The following RPN1 variants were observed in gnomAD, a reference collection of about 807,000 sequenced individuals.
RPN1 encodes ribophorin I, also known as dolichyl-diphosphooligosaccharide--protein glycosyltransferase subunit 1.
RPN1 carries 12 observed loss-of-function variants against 55.5 expected under a neutral mutation model. That is an observed-to-expected ratio of 0.22 (90% CI 0.14 to 0.35). The LOEUF (loss-of-function observed/expected upper bound fraction) is 0.35. Ranked by LOEUF, RPN1 falls within the 10% of genes least tolerant of loss-of-function variation. The pLI, the probability that RPN1 is intolerant of heterozygous loss-of-function variation, is 1.00. For synonymous variants in RPN1, 317 were observed against 305.9 expected (o/e 1.04, Z -0.38); for missense variants, 679 against 761.3 (o/e 0.89, Z 1.27).
rs1250757070 is a variant in RPN1, at chr3:128,620,218, A to T, written c.*193T>A. On this transcript the variant is annotated 3_prime_UTR_variant, in exon 10 of 10. Transcript: ENST00000296255. ...TTTTTAAAGTTTTCTTTTTTTAAAA[A>T]AAAAAAAAAAGAAAGTTAAGGACAA... 3 of 400,742 alleles carry T rather than the reference A, an allele frequency of 7.5e-6. No homozygotes were observed. The highest frequency in any genetic ancestry group is 1.3e-5 in the Non-Finnish European group (3 of 230,492). 24.8% of individuals were successfully genotyped at this position (400,742 alleles called of 1,614,324 possible). A position where few individuals can be genotyped will look rare whatever the true frequency, so the allele number is the denominator to read the frequency against.
chr3:128,629,361 G>A (rs1334993875), intron 5 of RPN1, among the ~76,000 whole-genome samples: 1 of 152,148 alleles, frequency 6.6e-6, no homozygotes, highest in African/African-American at 2.4e-5. Context: ...AGGAGTTCAA[G>A]ACCAACCTGG....
chr3:128,637,215 G>A (rs79503895), intron 3 of RPN1, among the ~76,000 whole-genome samples: 1,691 of 152,000 alleles, frequency 0.011, 25 homozygotes, highest in African/African-American at 0.039. Context: ...TCCAGGCTGG[G>A]CAACAGAGCA....
Position 128,632,102 on chromosome 3 carries a change from A to T in RPN1, c.689T>A (p.Met230Lys). ...NNSPFLTITSMTRVIEVSHWG... is the reference protein window; with the variant it reads ...NNSPFLTITSKTRVIEVSHWG... ...GTGAGAGACTTCAATGACTCGGGTC[A>T]TGCTGGTGATGGTCAGGAAAGGGCT... The change falls in exon 4 of 10, where the codon ATG becomes AAG. Residue 230 changes from methionine to lysine, a missense_variant. Around this residue, in one of 3 missense-constraint regions of RPN1, gnomAD observed 352 missense variants for 352.8 expected, o/e 1.00. Coordinates refer to ENST00000296255, the MANE Select transcript of RPN1 (RefSeq NM_002950.4). 1 of 1,614,222 alleles carries T rather than the reference A, an allele frequency of 6.2e-7. No individual in the cohort carries two copies. The highest frequency in any genetic ancestry group is 1.1e-5 in the South Asian group (1 of 91,088).
Position 128,639,229 on chromosome 3 carries a change from G to C in RPN1, c.327-1124C>G, listed in dbSNP as rs1576797722. 2.0e-5 allele frequency among the ~76,000 whole-genome samples: 3 copies of C among 152,230 alleles called. No individual in the cohort carries two copies. The East Asian group carries it at 5.8e-4, about 30-fold the overall frequency. On this transcript the variant is annotated intron_variant, in intron 2 of 9. Coordinates refer to ENST00000296255, the MANE Select transcript of RPN1 (RefSeq NM_002950.4). ...GCACTTTGGGAGACCGAGATGGGTGGATCACGAGGTCAGGAGATCAAGACC... is the reference window on the plus strand; with the variant it reads ...GCACTTTGGGAGACCGAGATGGGTGCATCACGAGGTCAGGAGATCAAGACC...
At chr3:128,644,737 T>G (rs2069753941) in intron 2 of RPN1, 182 bp downstream of exon 2, 1 of 646,794 alleles carries the variant, frequency 1.5e-6, no homozygotes, top group African/African-American at 1.9e-5. Flanking sequence ...GGTAGAAGGA[T>G]GGCTTGAGCT....
intron 2 of RPN1, among the ~76,000 whole-genome samples, chr3:128,642,792 C>T (rs2069735897): frequency 1.3e-5 from 2 of 151,960 alleles, no homozygotes; most frequent in African/African-American, 2.4e-5. Context: ...GAGGCCGAGG[C>T]GGGTGCATCA....
chr3:128,632,341 TATTC>T (rs1466907060), intron 3 of RPN1, among the ~76,000 whole-genome samples, 184 bp from the exon 4 acceptor site: 1 of 152,146 alleles, frequency 6.6e-6, no homozygotes, highest in East Asian at 1.9e-4. Flanking sequence ...TGGGAATAAA[TATTC>T]ATGATATATT....
intron 5 of RPN1, 86 bp downstream of exon 5, chr3:128,629,865 C>T: frequency 1.4e-6 from 1 of 719,290 alleles, no homozygotes; most frequent in Non-Finnish European, 2.3e-6. Context: ...ATGAACACAC[C>T]CCATCTATAA....
In RPN1 at chr3:128,625,643, G is replaced by A. The variant is rs770055133; in HGVS notation, c.1286C>T (p.Thr429Met). Residue 429 changes from threonine to methionine, a missense_variant, in exon 8 of 10, where the codon ACG (threonine) becomes ATG (methionine). Thr to Met is a moderately conservative substitution (Grantham distance 81). Around this residue, in one of 3 missense-constraint regions of RPN1, gnomAD observed 306 missense variants for 360.0 expected, o/e 0.85. Coordinates refer to ENST00000296255, the MANE Select transcript of RPN1 (RefSeq NM_002950.4). Reference protein sequence around the residue: ...QHIQDIVVHYTFNKVLMLQEP... With the variant: ...QHIQDIVVHYMFNKVLMLQEP... ...CTGCAGCATGAGCACCTTGTTGAAC[G>A]TGTAGTGGACCTGGGAGAAGCAAGA... 41 of 1,614,000 alleles carry A rather than the reference G, an allele frequency of 2.5e-5. No individual in the cohort carries two copies. In the Admixed American group the frequency reaches 3.8e-4, roughly 15 times the overall value.
chr3:128,643,048 C>T (rs1310195888), intron 2 of RPN1, among the ~76,000 whole-genome samples: 1 of 150,978 alleles, frequency 6.6e-6, no homozygotes, highest in African/African-American at 2.4e-5. Context: ...AAAAAAGGGC[C>T]AAGAGCAGTG....
At chr3:128,650,469 A>C (rs2069808998) in intron 1 of RPN1, 71 bp downstream of exon 1, 3 of 1,425,678 alleles carry the variant, frequency 2.1e-6, no homozygotes, top group Non-Finnish European at 2.8e-6. Context: ...GCGCGGGCGG[A>C]GTCGGGGGAC....
At chr3:128,637,006 G>T (rs1352989697) in intron 3 of RPN1, among the ~76,000 whole-genome samples, 1 of 152,142 alleles carries the variant, frequency 6.6e-6, no homozygotes, top group East Asian at 1.9e-4. Flanking sequence ...GGAGACAAAG[G>T]CAGGAAGATC....
intron 8 of RPN1, among the ~76,000 whole-genome samples, chr3:128,623,013 C>T (rs1173796778): frequency 1.3e-5 from 2 of 152,070 alleles, no homozygotes; most frequent in Non-Finnish European, 2.9e-5. Flanking sequence ...TTACAGCAGT[C>T]TTGCCCATTT....
At chr3:128,625,805 G>A in intron 7 of RPN1, 69 bp downstream of exon 7, 1 of 1,557,660 alleles carries the variant, frequency 6.4e-7, no homozygotes, top group Non-Finnish European at 8.7e-7. Context: ...GACAGAAGGT[G>A]AGTTCTTGGC....
chr3:128,629,325 C>T (rs2069625142), intron 5 of RPN1, among the ~76,000 whole-genome samples: 1 of 152,126 alleles, frequency 6.6e-6, no homozygotes, highest in Non-Finnish European at 1.5e-5. Flanking sequence ...CTTTGGGAGG[C>T]CGAGGCCTGT....
In RPN1 at chr3:128,632,839, C is replaced by A. The variant is rs569803159; in HGVS notation, c.634-682G>T. On this transcript the variant is annotated intron_variant, in intron 3 of 9. Coordinates refer to ENST00000296255, the MANE Select transcript of RPN1 (RefSeq NM_002950.4). ...CGAACCCCTGACCTCAGGTGATCTG[C>A]CCACCTTGGCCTACCAAAGTGCTGG... 7.9e-5 allele frequency among the ~76,000 whole-genome samples: 12 copies of A among 152,336 alleles called. No individual in the cohort carries two copies. In the East Asian group the frequency reaches 2.3e-3, roughly 29 times the overall value.
At chr3:128,622,101 T>C (rs1277039947) in intron 9 of RPN1, 63 bp downstream of exon 9, 3 of 1,558,982 alleles carry the variant, frequency 1.9e-6, no homozygotes, top group Non-Finnish European at 2.6e-6. Context: ...GTGTCTGCCC[T>C]AGACAAAGCA....
intron 2 of RPN1, among the ~76,000 whole-genome samples, chr3:128,643,015 G>A (rs1376795363): frequency 2.1e-5 from 3 of 140,074 alleles, no homozygotes; most frequent in Non-Finnish European, 4.6e-5. Context: ...GGGAAATTCC[G>A]TCTCAAAAAA....
intron 2 of RPN1, among the ~76,000 whole-genome samples, chr3:128,638,457 A>G (rs1250580084): frequency 1.3e-5 from 2 of 152,126 alleles, no homozygotes; most frequent in East Asian, 3.8e-4. Context: ...AAACAGCTAC[A>G]TATCTGTCTT....
Sources: allele counts gnomAD v4.1 joint callset (sites outside exome capture counted in the v4.1 genomes callset), GRCh38; gene constraint gnomAD v4.1.1; regional missense constraint gnomAD v4.1.1; transcripts MANE v1.5; gene names NCBI Gene and HGNC (gene_info 2026-07-23, HGNC 2026-07-21).